Variants in QTMAN observed in about 807,000 individuals in gnomAD.
The protein encoded by QTMAN is tRNA-queuosine alpha-mannosyltransferase.
At chr2:144,101,383 C>T in the QTMAN span, among the ~76,000 whole-genome samples, 2 of 125,438 alleles carry the variant, frequency 1.6e-5, no homozygotes, top group African/African-American at 7.1e-5. Flanking sequence ...CAAATCATGT[C>T]TATCTCTCTC....
At chr2:144,138,782 T>C in the QTMAN span, among the ~76,000 whole-genome samples, 1 of 152,148 alleles carries the variant, frequency 6.6e-6, no homozygotes, top group Non-Finnish European at 1.5e-5. Context: ...AGATTTGGTA[T>C]TGGAGTGTTC....
At chr2:144,149,114 A>G in the QTMAN span, among the ~76,000 whole-genome samples, 1 of 151,936 alleles carries the variant, frequency 6.6e-6, no homozygotes, top group Non-Finnish European at 1.5e-5. Context: ...TAATAATACA[A>G]TGAATGACAT....
At chr2:144,205,633 T>A in the QTMAN span, among the ~76,000 whole-genome samples, 1 of 152,122 alleles carries the variant, frequency 6.6e-6, no homozygotes, top group African/African-American at 2.4e-5. Context: ...TCACAATACC[T>A]CAGATGAAAC....
the QTMAN span, among the ~76,000 whole-genome samples, chr2:143,975,443 TGGCC>T: frequency 6.6e-6 from 1 of 152,230 alleles, no homozygotes; most frequent in African/African-American, 2.4e-5. Flanking sequence ...CATGTCACTC[TGGCC>T]TGAGGGCTCC....
At chr2:143,982,867 A>G in the QTMAN span, among the ~76,000 whole-genome samples, 1 of 151,068 alleles carries the variant, frequency 6.6e-6, no homozygotes, top group Admixed American at 6.6e-5. Flanking sequence ...AAAAAAAAAA[A>G]AAAAAAAGAA....
At chr2:143,975,708 G>A in the QTMAN span, among the ~76,000 whole-genome samples, 1 of 152,184 alleles carries the variant, frequency 6.6e-6, no homozygotes, top group African/African-American at 2.4e-5. Context: ...CTCTGCTGTG[G>A]TGGACCTTAA....
At chr2:143,957,140 T>A in the QTMAN span, 1 of 1,399,454 alleles carries the variant, frequency 7.1e-7, no homozygotes, top group Admixed American at 2.3e-5. Context: ...CGAACACACA[T>A]AGTAAAACTG....
the QTMAN span, among the ~76,000 whole-genome samples, chr2:143,996,535 C>A: frequency 6.6e-6 from 1 of 152,062 alleles, no homozygotes; most frequent in East Asian, 1.9e-4. Context: ...TAAAACTGTT[C>A]TTGTTAAAAT....
At chr2:144,266,053 A>G in the QTMAN span, among the ~76,000 whole-genome samples, 2 of 152,232 alleles carry the variant, frequency 1.3e-5, no homozygotes, top group East Asian at 3.8e-4. Flanking sequence ...AAAGAATTTG[A>G]GGTGAAATAA....
the QTMAN span, among the ~76,000 whole-genome samples, chr2:144,207,931 G>A: frequency 6.6e-6 from 1 of 151,912 alleles, no homozygotes; most frequent in East Asian, 1.9e-4. Flanking sequence ...GCTCACTGCA[G>A]CCTTGAACTC....
chr2:144,263,067 C>G, the QTMAN span, among the ~76,000 whole-genome samples: 2 of 151,350 alleles, frequency 1.3e-5, no homozygotes, highest in Non-Finnish European at 2.9e-5. Context: ...CCATGGCTCA[C>G]GACCCATATC....
At chr2:144,082,094 G>A in the QTMAN span, among the ~76,000 whole-genome samples, 1 of 152,080 alleles carries the variant, frequency 6.6e-6, no homozygotes, top group Admixed American at 6.5e-5. Context: ...GTTTTGCCAT[G>A]TTGCCTGGGC....
the QTMAN span, among the ~76,000 whole-genome samples, chr2:143,990,427 T>C: frequency 1.3e-5 from 2 of 152,118 alleles, no homozygotes; most frequent in Non-Finnish European, 2.9e-5. Context: ...AATTAGAGGG[T>C]GCCAAGGTCA....
the QTMAN span, among the ~76,000 whole-genome samples, chr2:144,163,139 T>G: frequency 2.6e-5 from 4 of 152,032 alleles, no homozygotes; most frequent in African/African-American, 9.7e-5. Context: ...AAGTACAAAA[T>G]TATAAATATA....
At chr2:144,103,219 T>G in the QTMAN span, among the ~76,000 whole-genome samples, 1 of 152,198 alleles carries the variant, frequency 6.6e-6, no homozygotes, top group Non-Finnish European at 1.5e-5. Flanking sequence ...CACAAACTAG[T>G]GTATTAGATA....
At chr2:144,074,410 T>C in the QTMAN span, among the ~76,000 whole-genome samples, 3 of 152,216 alleles carry the variant, frequency 2.0e-5, no homozygotes, top group East Asian at 3.8e-4. Context: ...GTTCTAGCTA[T>C]GCAAACTAAA....
the QTMAN span, among the ~76,000 whole-genome samples, chr2:143,973,615 C>G: frequency 1.3e-5 from 2 of 151,826 alleles, no homozygotes; most frequent in East Asian, 3.9e-4. Context: ...ACGGTGAAAC[C>G]CCGTCTCTAC....
the QTMAN span, among the ~76,000 whole-genome samples, chr2:144,182,818 T>TA: frequency 1.5e-4 from 9 of 60,060 alleles, 1 homozygote; most frequent in South Asian, 3.8e-4. Context: ...AATATATATA[T>TA]TATATATATA....
chr2:144,168,783 T>C, the QTMAN span, among the ~76,000 whole-genome samples: 3 of 152,094 alleles, frequency 2.0e-5, no homozygotes, highest in Non-Finnish European at 4.4e-5. Flanking sequence ...AAATGTTAAA[T>C]TATTTTTAAA....
Sources: gnomAD v4.1 joint callset for allele counts (sites outside exome capture counted in the v4.1 genomes callset) on GRCh38, gnomAD v4.1.1 for gene constraint, MANE v1.5 for transcripts, NCBI Gene and HGNC (gene_info 2026-07-23, HGNC 2026-07-21) for gene names.